Variants in FRAS1 observed in about 807,000 individuals in gnomAD.
The protein encoded by FRAS1 is Fraser extracellular matrix complex subunit 1, also known as extracellular matrix organizing protein FRAS1.
FRAS1 carries 290 observed loss-of-function variants against 435.2 expected under a neutral mutation model. The observed-to-expected ratio is 0.67, with a 90% CI of 0.61 to 0.73. The LOEUF is 0.73. Among genes scored for constraint, FRAS1 ranks in the 30% least tolerant of loss-of-function variants. The probability of loss-of-function intolerance (pLI) is 0.00; values close to 1 mark genes in which losing one functional copy is unlikely to be tolerated. For missense variants in FRAS1, 4,860 were observed against 5,001.5 expected, an observed-to-expected ratio of 0.97 and a Z score of 0.85; for synonymous variants, 1,800 against 1,851.0, an observed-to-expected ratio of 0.97 and a Z score of 0.71.
chr4:78,500,101 G>C (rs763048391), intron 61 of FRAS1, among the ~76,000 whole-genome samples, 180 bp downstream of exon 61: 12 of 152,108 alleles, frequency 7.9e-5, no homozygotes, highest in Non-Finnish European at 1.3e-4. Flanking sequence ...AAATGACATG[G>C]GGGAAAAAGA....
At chr4:78,063,122 GA>G (rs201736480) in intron 1 of FRAS1, among the ~76,000 whole-genome samples, 3 of 150,760 alleles carry the variant, frequency 2.0e-5, no homozygotes, top group African/African-American at 4.9e-5. Flanking sequence ...TACTCCTGAA[GA>G]AAAAAAAATA....
At chr4:78,358,465 C>T (rs765609283) in intron 20 of FRAS1, among the ~76,000 whole-genome samples, 5 of 152,068 alleles carry the variant, frequency 3.3e-5, no homozygotes, top group African/African-American at 9.7e-5. Flanking sequence ...AAATGTTATG[C>T]TCTGGACTTA....
intron 2 of FRAS1, among the ~76,000 whole-genome samples, chr4:78,123,650 T>C (rs902420815): frequency 1.8e-4 from 28 of 152,124 alleles, no homozygotes; most frequent in Non-Finnish European, 3.5e-4. Flanking sequence ...TCTCTTATTT[T>C]CTTGAGCAGT....
chr4:78,273,477 A>G (rs965918792), intron 9 of FRAS1, among the ~76,000 whole-genome samples: 2 of 152,200 alleles, frequency 1.3e-5, no homozygotes, highest in East Asian at 3.8e-4. Context: ...TAATATTCTC[A>G]GATACATACC....
intron 2 of FRAS1, among the ~76,000 whole-genome samples, chr4:78,079,158 A>G (rs1268429122): frequency 6.6e-6 from 1 of 152,174 alleles, no homozygotes; most frequent in Non-Finnish European, 1.5e-5. Context: ...TGAGTACTCA[A>G]TGCAAATCTT....
chr4:78,282,454 A>G (rs770847292), intron 11 of FRAS1, among the ~76,000 whole-genome samples: 1 of 152,208 alleles, frequency 6.6e-6, no homozygotes, highest in African/African-American at 2.4e-5. Flanking sequence ...CTCACCTGCT[A>G]ATCACCAGCT....
rs745567799 is a variant in FRAS1 at position 78,317,514 on chromosome 4, G to A, written c.1960+6G>A. 1.2e-5 allele frequency: 20 copies of A among 1,608,958 alleles called. No individual in the cohort carries two copies. Among genetic ancestry groups the A allele is most frequent in the South Asian group, 8.9e-5 (8 of 89,816 alleles). ...TGACCATGGAGTCTGCAAAGGTATC[G>A]TTGGTGTCACCATCATTCTTGAGAG... is the stretch of plus-strand genomic sequence containing the variant. On this transcript the variant is annotated splice_donor_region_variant and intron_variant, in intron 17 of 73. Coordinates refer to ENST00000512123, the MANE Select transcript of FRAS1 (RefSeq NM_025074.7).
At chr4:78,467,891 C>A (rs1222384862) in intron 50 of FRAS1, among the ~76,000 whole-genome samples, 1 of 152,136 alleles carries the variant, frequency 6.6e-6, no homozygotes, top group Admixed American at 6.6e-5. Context: ...AATGTCTATT[C>A]AAATCTTTTG....
intron 1 of FRAS1, among the ~76,000 whole-genome samples, chr4:78,060,181 A>G (rs1223773485): frequency 6.6e-6 from 1 of 152,018 alleles, no homozygotes; most frequent in East Asian, 1.9e-4. Flanking sequence ...AAGTGATATC[A>G]CTCCCACAGA....
Position 78,467,291 on chromosome 4 carries a change from A to G in FRAS1, c.7257+856A>G, listed in dbSNP as rs950381327. ...TCTCTCCATGGGTTCAGTTGTTTTG[A>G]TTTTTAGATCCCATATATAAGTGAG... On this transcript the variant is annotated intron_variant, in intron 50 of 73. Coordinates refer to ENST00000512123, the MANE Select transcript of FRAS1 (RefSeq NM_025074.7). 3.3e-5 allele frequency among the ~76,000 whole-genome samples: 5 copies of G among 151,872 alleles called. No homozygotes were observed. In the East Asian group the frequency reaches 7.7e-4, roughly 23 times the overall value.
chr4:78,328,828 G>T (rs545146591), intron 18 of FRAS1, among the ~76,000 whole-genome samples: 1 of 152,308 alleles, frequency 6.6e-6, no homozygotes, highest in East Asian at 1.9e-4. Context: ...TGAAGGGAAT[G>T]CCTGGAGGCT....
At chr4:78,316,252 G>T (rs1729240814) in intron 16 of FRAS1, among the ~76,000 whole-genome samples, 1 of 152,118 alleles carries the variant, frequency 6.6e-6, no homozygotes, top group Non-Finnish European at 1.5e-5. Flanking sequence ...ACCCATTTGA[G>T]ACTTTATAAA....
At chr4:78,459,330 T>C (rs541602027) in intron 47 of FRAS1, among the ~76,000 whole-genome samples, 1 of 152,302 alleles carries the variant, frequency 6.6e-6, no homozygotes, top group Non-Finnish European at 1.5e-5. Context: ...ATTTTGGAAG[T>C]GGGAGACATG....
intron 35 of FRAS1, among the ~76,000 whole-genome samples, chr4:78,426,626 C>A (rs1056216283): frequency 6.6e-5 from 10 of 152,156 alleles, no homozygotes; most frequent in African/African-American, 2.4e-5. Context: ...GTTCCTGGGA[C>A]CTGACTGACT....
chr4:78,245,439 G>C lies in FRAS1; in HGVS notation c.309+114G>C, dbSNP rs1355225311. 4.5e-5 allele frequency: 33 copies of C among 731,402 alleles called. 2 individuals are homozygous for C. The South Asian group carries it at 5.2e-4, about 11-fold the overall frequency. The allele number at this position is 731,402 out of a possible 1,614,324, so 45.3% of individuals were successfully genotyped here. A position where few individuals can be genotyped will look rare whatever the true frequency, so the allele number is the denominator to read the frequency against. On this transcript the variant is annotated intron_variant, in intron 4 of 73. Transcript: ENST00000512123. The stretch of plus-strand genomic sequence containing the variant: ...TTTTTTCTTTGCCTGGATTGTGGAG[G>C]ATCTGAAGCCCATTTGACTTTCTGT...
chr4:78,479,653 G>A lies in FRAS1; in HGVS notation c.8378G>A (p.Ser2793Asn), dbSNP rs571575235. Reference protein sequence around the residue: ...GRVATAKVLISGPNDASTVSL... With the variant: ...GRVATAKVLINGPNDASTVSL... Reference sequence around the variant, plus strand: ...GTGGCGACAGCCAAGGTGCTCATTAGTGGTCCCAACGATGCCTCGACTGTG... The same window carrying A: ...GTGGCGACAGCCAAGGTGCTCATTAATGGTCCCAACGATGCCTCGACTGTG... Residue 2793 changes from serine to asparagine, a missense_variant, in exon 56 of 74, where the codon AGT becomes AAT. Transcript: ENST00000512123. 10 of 1,613,488 alleles carry A rather than the reference G, an allele frequency of 6.2e-6. No homozygotes were observed. Among genetic ancestry groups the A allele is most frequent in the African/African-American group, 1.3e-5 (1 of 75,060 alleles).
chr4:78,483,798 A>ATATATATATATATATATATATAT (rs1491045148), intron 58 of FRAS1, among the ~76,000 whole-genome samples: 19 of 71,640 alleles, frequency 2.7e-4, no homozygotes, highest in Admixed American at 7.1e-4. Flanking sequence ...ATATATATAT[A>ATATATATATATATATATATATAT]AAATTATGTA....
chr4:78,119,452 T>A (rs950474891), intron 2 of FRAS1, among the ~76,000 whole-genome samples: 1 of 152,210 alleles, frequency 6.6e-6, no homozygotes, highest in African/African-American at 2.4e-5. Context: ...TTTCTGTTCC[T>A]GGCTTATTTC....
intron 19 of FRAS1, 93 bp from the exon 20 acceptor site, chr4:78,337,581 T>G: frequency 1.4e-6 from 2 of 1,406,288 alleles, no homozygotes; most frequent in South Asian, 2.6e-5. Context: ...GTTGGAGGTC[T>G]GCTTTTAATG....
Sources: gnomAD v4.1 joint callset for allele counts (sites outside exome capture counted in the v4.1 genomes callset) on GRCh38, gnomAD v4.1.1 for gene constraint, MANE v1.5 for transcripts, NCBI Gene and HGNC (gene_info 2026-07-23, HGNC 2026-07-21) for gene names.